Variants in PCDH15 observed in about 807,000 individuals in gnomAD.
PCDH15 encodes protocadherin-15.
PCDH15 carries 129 observed loss-of-function variants against 178.5 expected under a neutral mutation model. The observed-to-expected ratio is 0.72, with a 90% CI of 0.63 to 0.84. The LOEUF is 0.84. Ranked by LOEUF, PCDH15 falls within the 40% of genes least tolerant of loss-of-function variation. PCDH15 has a pLI of 0.00. For missense variants in PCDH15, 2,230 were observed against 2,099.9 expected, an observed-to-expected ratio of 1.06 and a Z score of -1.21; for synonymous variants, 800 against 732.0, an observed-to-expected ratio of 1.09 and a Z score of -1.50.
chr10:54,611,733 C>A (rs909006002), intron 2 of PCDH15, among the ~76,000 whole-genome samples: 1 of 151,822 alleles, frequency 6.6e-6, no homozygotes, highest in Non-Finnish European at 1.5e-5. Context: ...ACCTTTTATC[C>A]AAAACAGCTC....
At chr10:54,017,279 T>G (rs2092769995) in intron 20 of PCDH15, among the ~76,000 whole-genome samples, 1 of 151,830 alleles carries the variant, frequency 6.6e-6, no homozygotes, top group South Asian at 2.1e-4. Flanking sequence ...CCCACCTTGG[T>G]CTCCCAAAGT....
chr10:55,509,838 A>G (rs1840840268), intron 2 of PCDH15, among the ~76,000 whole-genome samples: 1 of 151,946 alleles, frequency 6.6e-6, no homozygotes, highest in African/African-American at 2.4e-5. Flanking sequence ...AACAACTGTG[A>G]CTTTGAGTCA....
intron 2 of PCDH15, among the ~76,000 whole-genome samples, chr10:55,589,289 C>T (rs1842789360): frequency 6.6e-6 from 1 of 151,962 alleles, no homozygotes; most frequent in Non-Finnish European, 1.5e-5. Context: ...GCCAGTTTTC[C>T]CAGCACCATT....
chr10:55,344,503 T>G (rs1227045335), intron 2 of PCDH15, among the ~76,000 whole-genome samples: 3 of 152,104 alleles, frequency 2.0e-5, no homozygotes, highest in African/African-American at 4.8e-5. Flanking sequence ...AAATCAAAAC[T>G]TTTCACTAAC....
rs563770513 is a variant in PCDH15 at position 54,894,131 on chromosome 10, C to A, written c.-29+3319G>T. ...TGTTTTTGTTTTGTGTCTCTTGTCC[C>A]ATAGAAACATAGCCCATCTCACCAG... On this transcript the variant is annotated intron_variant, in intron 3 of 5. Coordinates refer to the PCDH15 transcript ENST00000458638. Among the ~76,000 whole-genome samples the A allele has an allele frequency of 1.7e-3, 261 of 152,076 alleles. 1 individual carries two copies. Among genetic ancestry groups the A allele is most frequent in the Non-Finnish European group, 3.3e-3 (226 of 67,968 alleles).
chr10:54,618,148 T>C (rs1455796459), intron 2 of PCDH15, among the ~76,000 whole-genome samples: 1 of 152,094 alleles, frequency 6.6e-6, no homozygotes, highest in African/African-American at 2.4e-5. Context: ...TGTATTTTGA[T>C]ACCTCCTGTT....
At chr10:54,803,649 T>A (rs991525312), upstream of PCDH15, among the ~76,000 whole-genome samples, 1 of 152,178 alleles carries the variant, frequency 6.6e-6, no homozygotes, top group South Asian at 2.1e-4. Flanking sequence ...TACAGAGTGG[T>A]CTGTTACATG....
chr10:55,522,391 C>T (rs1841198480), intron 2 of PCDH15, among the ~76,000 whole-genome samples: 1 of 151,694 alleles, frequency 6.6e-6, no homozygotes, highest in African/African-American at 2.4e-5. Context: ...TCTGGATGAT[C>T]TATCCATTGA....
Position 54,173,678 on chromosome 10 carries a change from T to C in PCDH15, c.1590+9766A>G, listed in dbSNP as rs530251495. Among the ~76,000 whole-genome samples the C allele has an allele frequency of 3.9e-5, 6 of 152,290 alleles. No individual in the cohort carries two copies. In the South Asian group the frequency reaches 1.2e-3, roughly 32 times the overall value. ...TAATATTTATTAAAGGTCAATGTGC[T>C]GGGACTGTGTAAGGTGTTAGGCATA... is the stretch of plus-strand genomic sequence containing the variant. On this transcript the variant is annotated intron_variant, in intron 13 of 37. Transcript: ENST00000644397.
intron 3 of PCDH15, among the ~76,000 whole-genome samples, chr10:54,853,289 G>GTGTA (rs1249570811): frequency 0.025 from 2,512 of 102,402 alleles, 33 homozygotes; most frequent in Middle Eastern, 0.05. Flanking sequence ...ATGTATGTGT[G>GTGTA]TATATATATA....
At chr10:54,840,448 C>T (rs1953398707) in intron 3 of PCDH15, among the ~76,000 whole-genome samples, 1 of 149,854 alleles carries the variant, frequency 6.7e-6, no homozygotes, top group South Asian at 2.1e-4. Flanking sequence ...AGTAGGCACA[C>T]AAAATATAAA....
chr10:54,618,901 A>T (rs1340603347), intron 2 of PCDH15, among the ~76,000 whole-genome samples: 5 of 152,034 alleles, frequency 3.3e-5, no homozygotes, highest in South Asian at 4.1e-4. Flanking sequence ...TATGGAAAAA[A>T]AAATTTGTAT....
chr10:55,212,538 A>G (rs1202364092), intron 1 of PCDH15, among the ~76,000 whole-genome samples: 1 of 152,092 alleles, frequency 6.6e-6, no homozygotes, highest in African/African-American at 2.4e-5. Flanking sequence ...AGAGATCCCT[A>G]TAATCAGGAA....
intron 2 of PCDH15, among the ~76,000 whole-genome samples, chr10:54,952,643 G>C (rs550924244): frequency 4.6e-5 from 7 of 151,598 alleles, no homozygotes; most frequent in Admixed American, 4.6e-4. Context: ...ATATCTTTCC[G>C]TTTATTTAGA....
intron 2 of PCDH15, among the ~76,000 whole-genome samples, chr10:54,595,133 T>C (rs1398220031): frequency 2.0e-5 from 3 of 152,166 alleles, no homozygotes; most frequent in Admixed American, 6.5e-5. Flanking sequence ...AGGATGCCGC[T>C]GGTACATGCA....
At chr10:55,497,416 C>CA (rs2132135043) in intron 2 of PCDH15, among the ~76,000 whole-genome samples, 2 of 151,810 alleles carry the variant, frequency 1.3e-5, no homozygotes, top group East Asian at 3.9e-4. Context: ...AAGCATCAGC[C>CA]ACCGCGTCTG....
At chr10:54,191,562 C>G (rs2048988967) in intron 11 of PCDH15, among the ~76,000 whole-genome samples, 1 of 152,042 alleles carries the variant, frequency 6.6e-6, no homozygotes, top group African/African-American at 2.4e-5. Context: ...TATCAAGATA[C>G]AGAAAATTGT....
rs188510951 is a variant in PCDH15, at chr10:55,086,254, A to G, written c.-80+80322T>C. ...CTCTCATAGTTTGAAGTGCCATTTA[A>G]TTATTTTTAGATGAAAACTATATTA... On this transcript the variant is annotated intron_variant, in intron 2 of 5. Coordinates refer to the PCDH15 transcript ENST00000458638. Among the ~76,000 whole-genome samples the G allele has an allele frequency of 2.4e-3, 369 of 152,080 alleles. 1 individual carries two copies. The highest frequency in any genetic ancestry group is 0.01 in the Middle Eastern group (3 of 290).
intron 2 of PCDH15, among the ~76,000 whole-genome samples, chr10:54,574,556 T>C (rs1423901305): frequency 6.8e-5 from 10 of 146,850 alleles, no homozygotes; most frequent in Non-Finnish European, 1.4e-4. Flanking sequence ...AAAATGCTCA[T>C]CATCACTGGC....
Sources: allele counts gnomAD v4.1 joint callset (sites outside exome capture counted in the v4.1 genomes callset), GRCh38; gene constraint gnomAD v4.1.1; transcripts MANE v1.5; gene names NCBI Gene and HGNC (gene_info 2026-07-23, HGNC 2026-07-21).